Variants in PAX5 observed in about 807,000 individuals in gnomAD.
The protein encoded by PAX5 is paired box 5, also known as paired box protein Pax-5.
Under a neutral mutation model 43.7 loss-of-function variants are expected in PAX5, and 9 were observed. That is an observed-to-expected ratio of 0.21 (90% CI 0.12 to 0.36). The LOEUF (loss-of-function observed/expected upper bound fraction) is 0.36. PAX5 is among the 10% of genes least tolerant of loss of function. The probability of loss-of-function intolerance (pLI) is 1.00; values close to 1 mark genes in which losing one functional copy is unlikely to be tolerated. For synonymous variants in PAX5, 228 were observed against 214.3 expected (o/e 1.06, Z -0.56); for missense variants, 383 against 532.7 (o/e 0.72, Z 2.77).
chr9:36,859,689 A>G (rs933522947), intron 8 of PAX5, among the ~76,000 whole-genome samples: 4 of 152,174 alleles, frequency 2.6e-5, no homozygotes, highest in African/African-American at 9.7e-5. Context: ...GGAGGCGGGC[A>G]GGAATAATGC....
intron 5 of PAX5, among the ~76,000 whole-genome samples, chr9:36,993,349 A>G (rs1837093007): frequency 6.6e-6 from 1 of 152,238 alleles, no homozygotes; most frequent in Admixed American, 6.5e-5. Flanking sequence ...ACCCTCATAA[A>G]CTAAAGCTCC....
At chr9:36,957,384 C>A (rs184139046) in intron 6 of PAX5, among the ~76,000 whole-genome samples, 1 of 152,174 alleles carries the variant, frequency 6.6e-6, no homozygotes, top group African/African-American at 2.4e-5. Context: ...GTTTTCAGAG[C>A]CCCTAGAAAC....
intron 8 of PAX5, among the ~76,000 whole-genome samples, chr9:36,853,386 A>G (rs138545698): frequency 2.5e-3 from 374 of 152,310 alleles, no homozygotes; most frequent in African/African-American, 8.5e-3. Context: ...ATTCTCTCAT[A>G]CTGAAGAAGG....
At chr9:36,915,593 A>G (rs55777102) in intron 7 of PAX5, among the ~76,000 whole-genome samples, 11,526 of 152,200 alleles carry the variant, frequency 0.076, 548 homozygotes, top group South Asian at 0.16. Flanking sequence ...AGCTCTTTAT[A>G]TATTGAGGAA....
At chr9:37,033,797 C>T (rs1588294174) in intron 1 of PAX5, among the ~76,000 whole-genome samples, 189 bp downstream of exon 1, 1 of 152,256 alleles carries the variant, frequency 6.6e-6, no homozygotes, top group Middle Eastern at 3.4e-3. Flanking sequence ...CAGACAAACT[C>T]ACAGATATTT....
At chr9:37,014,523 C>G (rs1023473400) in intron 3 of PAX5, among the ~76,000 whole-genome samples, 3 of 152,212 alleles carry the variant, frequency 2.0e-5, no homozygotes, top group African/African-American at 7.2e-5. Flanking sequence ...TCTCCCAACT[C>G]CAAGTCAGGT....
rs1035003896 is a variant in PAX5, at chr9:36,923,367, G to A, written c.898C>T (p.Pro300Ser). Residue 300 changes from proline to serine, a missense_variant, in exon 7 of 10, where the codon CCC becomes TCC. By Grantham distance (74) the Pro-to-Ser change is moderately conservative (BLOSUM62 -1). Coordinates refer to ENST00000358127, the MANE Select transcript of PAX5 (RefSeq NM_016734.3). The stretch of plus-strand genomic sequence containing the variant: ...CAGGTGCCCTCACCTGTCACAATGG[G>A]GTAGGACTGCGGGCCTGGCACACTG... ...GSSVPGPQSY[P>S]IVTGRDLAST... is the part of the protein sequence containing the mutation. The A allele has an allele frequency of 6.2e-7, 1 of 1,612,558 alleles. No homozygotes were observed. The highest frequency in any genetic ancestry group is 8.5e-7 in the Non-Finnish European group (1 of 1,179,832).
intron 1 of PAX5, among the ~76,000 whole-genome samples, chr9:37,031,666 G>A (rs12236238): frequency 6.6e-6 from 1 of 151,888 alleles, no homozygotes; most frequent in African/African-American, 2.4e-5. Flanking sequence ...TTATGATCTC[G>A]AACAAGTCCC....
chr9:37,025,102 A>G (rs75275103), intron 1 of PAX5, among the ~76,000 whole-genome samples: 3,666 of 152,304 alleles, frequency 0.024, 161 homozygotes, highest in African/African-American at 0.084. Flanking sequence ...ACAGACTGGA[A>G]ACCGGTTGGG....
chr9:36,871,279 G>T (rs1825468110), intron 8 of PAX5, among the ~76,000 whole-genome samples: 1 of 152,192 alleles, frequency 6.6e-6, no homozygotes, highest in Non-Finnish European at 1.5e-5. Context: ...TTATCTCCTG[G>T]ATTCATGCCC....
chr9:36,935,956 C>T lies in PAX5; in HGVS notation c.781-12472G>A, dbSNP rs537918848. On this transcript the variant is annotated intron_variant, in intron 6 of 9. Coordinates refer to ENST00000358127, the MANE Select transcript of PAX5 (RefSeq NM_016734.3). ...TCCACTCCTCCACCAGACATGCTGT[C>T]GGACTGGGGCGTATGATGCTTGCTT... Among the ~76,000 whole-genome samples the T allele has an allele frequency of 4.1e-4, 63 of 152,350 alleles. 1 individual carries two copies. The South Asian group carries it at 6.8e-3, about 17-fold the overall frequency.
In PAX5 at chr9:36,834,524, A is replaced by G. The variant is rs1278866915; in HGVS notation, c.*6036T>C. On this transcript the variant is annotated 3_prime_UTR_variant, in exon 10 of 10. Coordinates refer to ENST00000358127, the MANE Select transcript of PAX5 (RefSeq NM_016734.3). ...CTCTGAACTTTTTGCAGTGTTTAAA[A>G]TAGACTCAGGATTTATTTATTTTCT... 2 of 233,102 alleles carry G rather than the reference A, an allele frequency of 8.6e-6. No homozygotes were observed. Among genetic ancestry groups the G allele is most frequent in the Non-Finnish European group, 1.7e-5 (2 of 118,056 alleles). The allele number at this position is 233,102 out of a possible 1,614,324, so 14.4% of individuals were successfully genotyped here.
At chr9:36,859,930 G>C (rs1824037145) in intron 8 of PAX5, among the ~76,000 whole-genome samples, 1 of 152,090 alleles carries the variant, frequency 6.6e-6, no homozygotes, top group Admixed American at 6.5e-5. Flanking sequence ...AGCTACTCAG[G>C]AGGCTGAGGC....
intron 6 of PAX5, 127 bp from the exon 7 acceptor site, chr9:36,923,611 G>C (rs116002069): frequency 9.6e-7 from 1 of 1,038,864 alleles, no homozygotes; most frequent in Non-Finnish European, 1.4e-6. Flanking sequence ...CCCACAAGGG[G>C]CTCATGAACA....
At chr9:36,953,024 A>G (rs4431673) in intron 6 of PAX5, among the ~76,000 whole-genome samples, 109,946 of 151,814 alleles carry the variant, frequency 0.72, 40,235 homozygotes, top group South Asian at 0.84. Flanking sequence ...TTCTAGACCA[A>G]GTCTGCTGGT....
chr9:36,969,261 C>T (rs1012336955), intron 5 of PAX5, among the ~76,000 whole-genome samples: 1 of 152,246 alleles, frequency 6.6e-6, no homozygotes, highest in African/African-American at 2.4e-5. Flanking sequence ...TCCGGCCCAC[C>T]CAGGCTGCTC....
intron 6 of PAX5, among the ~76,000 whole-genome samples, chr9:36,939,773 AAGAGGGAGAGAG>A (rs749500409): frequency 1.1e-4 from 16 of 152,164 alleles, no homozygotes; most frequent in Non-Finnish European, 1.6e-4. Flanking sequence ...GTCAAAAAAA[AAGAGGGAGAGAG>A]AGAGGGAGAG....
chr9:36,919,936 C>T (rs956035196), intron 7 of PAX5, among the ~76,000 whole-genome samples: 8 of 149,674 alleles, frequency 5.3e-5, no homozygotes, highest in African/African-American at 1.7e-4. Flanking sequence ...AAGTTGATTT[C>T]AGCCCTCATG....
chr9:36,840,372 C>G lies in PAX5; in HGVS notation c.*188G>C. On this transcript the variant is annotated 3_prime_UTR_variant, in exon 10 of 10. Coordinates refer to ENST00000358127, the MANE Select transcript of PAX5 (RefSeq NM_016734.3). ...TTGGCTTTTAGAAATAGACAAGCAT[C>G]CAGAAGTCCAACGGCCCCACCAAAG... is the stretch of plus-strand genomic sequence containing the variant. 1.5e-6 allele frequency: 1 copy of G among 646,174 alleles called. No individual in the cohort carries two copies. Among genetic ancestry groups the G allele is most frequent in the Non-Finnish European group, 2.7e-6 (1 of 364,916 alleles). The allele number at this position is 646,174 out of a possible 1,614,324, so 40.0% of individuals were successfully genotyped here. A position where few individuals can be genotyped will look rare whatever the true frequency, so the allele number is the denominator to read the frequency against.
Sources: gnomAD v4.1 joint callset for allele counts (sites outside exome capture counted in the v4.1 genomes callset) on GRCh38, gnomAD v4.1.1 for gene constraint, MANE v1.5 for transcripts, NCBI Gene and HGNC (gene_info 2026-07-23, HGNC 2026-07-21) for gene names.